Variants in ACSF3 observed in about 807,000 individuals in gnomAD.
The protein encoded by ACSF3 is acyl-CoA synthetase family member 3.
In ACSF3, 78 loss-of-function variants were observed where a neutral mutation model predicts 53.2. The ratio of observed to expected loss-of-function variants is 1.47; its 90% CI spans 1.22 to 1.77. The LOEUF (loss-of-function observed/expected upper bound fraction) is 1.77, where lower values mean the gene tolerates loss of function less well. ACSF3 is among the 40% of genes most tolerant of loss of function. The pLI is 0.00. For synonymous variants in ACSF3, 414 were observed against 333.1 expected, an observed-to-expected ratio of 1.24 and a Z score of -2.65; for missense variants, 937 against 771.1, an observed-to-expected ratio of 1.22 and a Z score of -2.55.
At chr16:89,142,371 C>A (rs1170638132) in intron 8 of ACSF3, among the ~76,000 whole-genome samples, 1 of 152,196 alleles carries the variant, frequency 6.6e-6, no homozygotes, top group Admixed American at 6.5e-5. Flanking sequence ...ATGCCAGAAA[C>A]AGCCCAGAGC....
At chr16:89,114,658 C>T in intron 6 of ACSF3, 171 bp downstream of exon 6, 1 of 938,166 alleles carries the variant, frequency 1.1e-6, no homozygotes, top group Non-Finnish European at 1.6e-6. Flanking sequence ...GACCTGTCCC[C>T]TCTGGGTAGA....
At chr16:89,126,588 T>A (rs537396796) in intron 7 of ACSF3, among the ~76,000 whole-genome samples, 1 of 152,350 alleles carries the variant, frequency 6.6e-6, no homozygotes, top group Non-Finnish European at 1.5e-5. Context: ...TTGCTGTTGT[T>A]AGTTTTCAAC....
At chr16:89,109,712 C>T (rs917982240) in intron 4 of ACSF3, among the ~76,000 whole-genome samples, 1 of 152,050 alleles carries the variant, frequency 6.6e-6, no homozygotes, top group Non-Finnish European at 1.5e-5. Flanking sequence ...CGCACCCGGC[C>T]AGATGTTGAG....
intron 4 of ACSF3, among the ~76,000 whole-genome samples, chr16:89,104,295 CT>C (rs1223803006): frequency 6.6e-6 from 1 of 152,250 alleles, no homozygotes; most frequent in Non-Finnish European, 1.5e-5. Flanking sequence ...CATGATGGTT[CT>C]CAGCACAGAG....
In ACSF3 at chr16:89,154,906, G is replaced by A. The variant is rs2151587540; in HGVS notation, c.*699G>A. On this transcript the variant is annotated 3_prime_UTR_variant, in exon 11 of 11. Coordinates refer to ENST00000614302, the MANE Select transcript of ACSF3 (RefSeq NM_001243279.3). ...GACCCTGCCTCACCCCCCAGCGCAG[G>A]GACTTTCCAGGTCATCTCCACACCA... 1 of 454,010 alleles carries A rather than the reference G, an allele frequency of 2.2e-6. No homozygotes were observed. Among genetic ancestry groups the A allele is most frequent in the South Asian group, 1.6e-5 (1 of 64,468 alleles). The allele number at this position is 454,010 out of a possible 1,614,324, so 28.1% of individuals were successfully genotyped here. A position where few individuals can be genotyped will look rare whatever the true frequency, so the allele number is the denominator to read the frequency against.
chr16:89,141,657 G>A (rs1056835045), intron 8 of ACSF3, among the ~76,000 whole-genome samples: 8 of 152,230 alleles, frequency 5.3e-5, no homozygotes. Flanking sequence ...TGGGCAGTGG[G>A]AAGTCTCTCC....
Position 89,133,247 on chromosome 16 carries a change from G to C in ACSF3, c.1351G>C (p.Gly451Arg). The change falls in exon 8 of 11, where the codon GGC becomes CGC. Residue 451 changes from glycine to arginine, a missense_variant. By Grantham distance (125) the Gly-to-Arg change is moderately radical (BLOSUM62 -2). Coordinates refer to ENST00000614302, the MANE Select transcript of ACSF3 (RefSeq NM_001243279.3). ...EETKSAFTLD[G>R]WFKTGDTVVF... ...AACTAAGAGTGCATTCACCCTGGATGGCTGGTTTAAGACAGGTAGGACCCA... is the reference window on the plus strand; with the variant it reads ...AACTAAGAGTGCATTCACCCTGGATCGCTGGTTTAAGACAGGTAGGACCCA... 6.2e-7 allele frequency: 1 copy of C among 1,614,108 alleles called. No homozygotes were observed. The highest frequency in any genetic ancestry group is 8.5e-7 in the Non-Finnish European group (1 of 1,179,974).
At chr16:89,123,299 T>C (rs922213400) in intron 7 of ACSF3, among the ~76,000 whole-genome samples, 4 of 152,182 alleles carry the variant, frequency 2.6e-5, no homozygotes, top group Admixed American at 6.5e-5. Context: ...TGATGGGCGC[T>C]GTGAACTCTG....
chr16:89,155,917 A>G lies in ACSF3; in HGVS notation c.*1710A>G, dbSNP rs1914661464. The G allele has an allele frequency of 2.7e-6, 1 of 371,332 alleles. No individual in the cohort carries two copies. The highest frequency in any genetic ancestry group is 5.3e-6 in the Non-Finnish European group (1 of 189,458). The allele number at this position is 371,332 out of a possible 1,614,324, so 23.0% of individuals were successfully genotyped here. On this transcript the variant is annotated 3_prime_UTR_variant, in exon 11 of 11. Coordinates refer to ENST00000614302, the MANE Select transcript of ACSF3 (RefSeq NM_001243279.3). ...GCTGACAATACTACAAACTACAGAA[A>G]GCCTGGAGCTCATTGACCAGAAACT...
Position 89,154,204 on chromosome 16 carries a change from A to T in ACSF3, c.1728A>T (p.Ser576=). Residue 576 remains serine, a synonymous_variant, in exon 11 of 11, where the codon TCA becomes TCT. Transcript: ENST00000614302. ...CGCTCATCAGGCACTTCCACCCCTC[A>T]TGACCCGGCAGACTGGGACTGCGGG... is the stretch of plus-strand genomic sequence containing the variant. ...KKALIRHFHP[S] is the part of the protein sequence containing the mutation. 6.2e-7 allele frequency: 1 copy of T among 1,612,880 alleles called. No homozygotes were observed. Among genetic ancestry groups the T allele is most frequent in the African/African-American group, 1.3e-5 (1 of 74,978 alleles).
rs918052620 is a variant in ACSF3 at position 89,098,680 on chromosome 16, C to T, written c.-104C>T. 13 of 454,120 alleles carry T rather than the reference C, an allele frequency of 2.9e-5. No homozygotes were observed. Among genetic ancestry groups the T allele is most frequent in the Middle Eastern group, 6.9e-4 (1 of 1,444 alleles). The allele number at this position is 454,120 out of a possible 1,614,324, so 28.1% of individuals were successfully genotyped here. A position where few individuals can be genotyped will look rare whatever the true frequency, so the allele number is the denominator to read the frequency against. Reference sequence around the variant, plus strand: ...TGCATTGCCTGCACCTTATCGTGCCCTTCCACCTGCTGAAGCAGCTGTGCC... The same window carrying T: ...TGCATTGCCTGCACCTTATCGTGCCTTTCCACCTGCTGAAGCAGCTGTGCC... On this transcript the variant is annotated 5_prime_UTR_variant, in exon 2 of 11. Coordinates refer to ENST00000614302, the MANE Select transcript of ACSF3 (RefSeq NM_001243279.3).
At chr16:89,148,047 G>A (rs1347578148) in intron 10 of ACSF3, 1 of 151,730 alleles carries the variant, frequency 6.6e-6, no homozygotes, top group Non-Finnish European at 1.5e-5. Flanking sequence ...CCCCAGGCAG[G>A]TCCAAAACCT....
chr16:89,151,195 G>C (rs1204198977), intron 10 of ACSF3: 1 of 500,422 alleles, frequency 2.0e-6, no homozygotes, highest in Non-Finnish European at 3.7e-6. Context: ...TCCCTTAAAA[G>C]ACACAAATTG....
intron 8 of ACSF3, chr16:89,136,720 C>G (rs549422298): frequency 3.9e-6 from 5 of 1,287,164 alleles, no homozygotes; most frequent in Non-Finnish European, 5.1e-6. Context: ...TCCTGCCTCC[C>G]CCACCTGCCT....
At chr16:89,108,794 G>A (rs753144133) in intron 4 of ACSF3, among the ~76,000 whole-genome samples, 5 of 152,092 alleles carry the variant, frequency 3.3e-5, no homozygotes, top group Non-Finnish European at 4.4e-5. Context: ...ATGGGCATTT[G>A]GACTGTTTCA....
chr16:89,129,666 A>G (rs890524838), intron 7 of ACSF3, among the ~76,000 whole-genome samples: 2 of 152,086 alleles, frequency 1.3e-5, no homozygotes, highest in African/African-American at 2.4e-5. Flanking sequence ...TGTGTTTACT[A>G]TTGTTCCCTG....
chr16:89,131,160 G>A (rs147526777), intron 7 of ACSF3, among the ~76,000 whole-genome samples: 13 of 120,522 alleles, frequency 1.1e-4, no homozygotes, highest in African/African-American at 4.3e-4. Flanking sequence ...TTGAGACAGG[G>A]TCTCACTCCG....
At chr16:89,111,139 T>C (rs940321770) in intron 4 of ACSF3, among the ~76,000 whole-genome samples, 1 of 152,278 alleles carries the variant, frequency 6.6e-6, no homozygotes, top group African/African-American at 2.4e-5. Context: ...TGAAGGGCCT[T>C]GTCTGGTGAT....
chr16:89,130,648 A>C (rs965553351), intron 7 of ACSF3, among the ~76,000 whole-genome samples: 3 of 152,110 alleles, frequency 2.0e-5, no homozygotes, highest in African/African-American at 4.8e-5. Context: ...CAGTGGGCGC[A>C]GGAACCCTTG....
Sources: gnomAD v4.1 joint callset for allele counts (sites outside exome capture counted in the v4.1 genomes callset) on GRCh38, gnomAD v4.1.1 for gene constraint, MANE v1.5 for transcripts, NCBI Gene and HGNC (gene_info 2026-07-23, HGNC 2026-07-21) for gene names.